Variants in PHF24 observed in about 807,000 individuals in gnomAD.
The protein encoded by PHF24 is PHD finger protein 24, also known as Galpha inhibitory interacting protein.
PHF24 carries 25 observed loss-of-function variants against 42.6 expected under a neutral mutation model. The observed-to-expected ratio is 0.59, with a 90% CI of 0.43 to 0.82. The LOEUF (loss-of-function observed/expected upper bound fraction) is 0.82, where lower values mean the gene tolerates loss of function less well. PHF24 is among the 40% of genes least tolerant of loss of function. The pLI, the probability that PHF24 is intolerant of heterozygous loss-of-function variation, is 0.00. For missense variants in PHF24, 470 were observed against 538.1 expected, an observed-to-expected ratio of 0.87 and a Z score of 1.25; for synonymous variants, 185 against 204.8, an observed-to-expected ratio of 0.90 and a Z score of 0.83.
the PHF24 span, among the ~76,000 whole-genome samples, chr9:34,854,211 T>C: frequency 6.1e-5 from 9 of 148,424 alleles, no homozygotes; most frequent in East Asian, 9.8e-4. Context: ...TTTTTTTTTT[T>C]CAAAAAAAAT....
the PHF24 span, among the ~76,000 whole-genome samples, chr9:34,903,203 G>C: frequency 6.6e-6 from 1 of 152,160 alleles, no homozygotes; most frequent in African/African-American, 2.4e-5. Flanking sequence ...TTTCATTCAA[G>C]TTAAGAGGAT....
chr9:34,836,035 G>C, the PHF24 span: 1 of 631,430 alleles, frequency 1.6e-6, no homozygotes, highest in Admixed American at 2.1e-5. Flanking sequence ...ACTTCCCTCT[G>C]GGGGAAGCCA....
intron 1 of PHF24, among the ~76,000 whole-genome samples, chr9:34,970,813 C>T (rs1014144928): frequency 6.6e-6 from 1 of 152,228 alleles, no homozygotes; most frequent in Non-Finnish European, 1.5e-5. Context: ...GATATCATTT[C>T]ATGCACGTAG....
At chr9:34,925,865 G>A in the PHF24 span, among the ~76,000 whole-genome samples, 2 of 152,112 alleles carry the variant, frequency 1.3e-5, no homozygotes, top group African/African-American at 4.8e-5. Flanking sequence ...TGTCATGATT[G>A]TGTGTTCCTA....
At chr9:34,837,912 C>A in the PHF24 span, among the ~76,000 whole-genome samples, 1 of 152,174 alleles carries the variant, frequency 6.6e-6, no homozygotes, top group Non-Finnish European at 1.5e-5. Context: ...AAATTCTATA[C>A]CTTCCATCTG....
At chr9:34,878,435 C>A in the PHF24 span, among the ~76,000 whole-genome samples, 1 of 152,090 alleles carries the variant, frequency 6.6e-6, no homozygotes, top group African/African-American at 2.4e-5. Flanking sequence ...ACCTGGGAAG[C>A]GCAAGGGGTG....
chr9:34,886,806 G>A, the PHF24 span, among the ~76,000 whole-genome samples: 3 of 128,728 alleles, frequency 2.3e-5, no homozygotes, highest in African/African-American at 8.1e-5. Flanking sequence ...CTCTATCTAT[G>A]TATCTATCTA....
chr9:34,694,923 T>G, the PHF24 span, among the ~76,000 whole-genome samples: 1 of 152,246 alleles, frequency 6.6e-6, no homozygotes, highest in Non-Finnish European at 1.5e-5. Flanking sequence ...TGAGTGTATG[T>G]GATATTGTGA....
the PHF24 span, among the ~76,000 whole-genome samples, chr9:34,796,706 C>CT: frequency 6.6e-6 from 1 of 152,182 alleles, no homozygotes; most frequent in East Asian, 1.9e-4. Flanking sequence ...TCATACATTG[C>CT]TACCAGGAAT....
the PHF24 span, among the ~76,000 whole-genome samples, chr9:34,891,386 TTGTAATCTATGTGGCTCTGCAACA>T: frequency 6.6e-6 from 1 of 152,192 alleles, no homozygotes; most frequent in Non-Finnish European, 1.5e-5. Flanking sequence ...CTTCCCATAT[TTGTAATCTATGTGGCTCTGCAACA>T]TTACCTTGGC....
At chr9:34,695,765 G>T in the PHF24 span, among the ~76,000 whole-genome samples, 2 of 152,246 alleles carry the variant, frequency 1.3e-5, no homozygotes, top group African/African-American at 4.8e-5. Context: ...GGTCACAGAA[G>T]TATTGAGTGG....
the PHF24 span, among the ~76,000 whole-genome samples, chr9:34,811,360 T>G: frequency 6.6e-6 from 1 of 152,152 alleles, no homozygotes; most frequent in African/African-American, 2.4e-5. Flanking sequence ...AATAGGTGAT[T>G]AGGTCTTGAG....
At chr9:34,900,996 T>C in the PHF24 span, among the ~76,000 whole-genome samples, 1 of 152,222 alleles carries the variant, frequency 6.6e-6, no homozygotes, top group Non-Finnish European at 1.5e-5. Context: ...ACAAATTATT[T>C]GAAAGACACA....
the PHF24 span, among the ~76,000 whole-genome samples, chr9:34,886,739 T>G: frequency 7.0e-6 from 1 of 142,096 alleles, no homozygotes; most frequent in Non-Finnish European, 1.5e-5. Flanking sequence ...TGGTTTTATA[T>G]CTATCTATCT....
At chr9:34,887,331 A>G in the PHF24 span, among the ~76,000 whole-genome samples, 1 of 152,170 alleles carries the variant, frequency 6.6e-6, no homozygotes, top group Admixed American at 6.6e-5. Context: ...TTTAAGACAT[A>G]AGTCAGATCT....
the PHF24 span, among the ~76,000 whole-genome samples, chr9:34,711,558 T>G: frequency 7.2e-6 from 1 of 139,036 alleles, no homozygotes; most frequent in African/African-American, 2.8e-5. Context: ...TTTTTTTTTT[T>G]TTGAGACAGA....
At chr9:34,676,388 G>A in the PHF24 span, among the ~76,000 whole-genome samples, 2 of 152,192 alleles carry the variant, frequency 1.3e-5, no homozygotes, top group African/African-American at 4.8e-5. Flanking sequence ...GCTGGGCATG[G>A]TGGCGGGCCC....
At chr9:34,972,478 G>A (rs1827029428) in exon 3 of PHF24, 1 of 1,613,944 alleles carries the variant, frequency 6.2e-7, no homozygotes, top group Non-Finnish European at 8.5e-7. Flanking sequence ...AGACAGTGCA[G>A]CGGAGGTGAC....
At chr9:34,850,025 G>A in the PHF24 span, among the ~76,000 whole-genome samples, 8 of 152,218 alleles carry the variant, frequency 5.3e-5, no homozygotes, top group African/African-American at 1.4e-4. Context: ...GTCTCTGGCT[G>A]CCCTTAACAT....
Sources: gnomAD v4.1 joint callset for allele counts (sites outside exome capture counted in the v4.1 genomes callset) on GRCh38, gnomAD v4.1.1 for gene constraint, MANE v1.5 for transcripts, NCBI Gene and HGNC (gene_info 2026-07-23, HGNC 2026-07-21) for gene names.